PCDHA10: variants seen among roughly 807,000 people sequenced by gnomAD.
PCDHA10 encodes the protein protocadherin alpha 10.
PCDHA10 carries 45 observed loss-of-function variants against 61.2 expected under a neutral mutation model. The observed-to-expected ratio is 0.74, with a 90% CI of 0.58 to 0.94. The LOEUF is 0.94. Ranked by LOEUF, PCDHA10 falls within the 40% of genes least tolerant of loss-of-function variation. The pLI is 0.00. For missense variants in PCDHA10, 1,278 were observed against 1,236.2 expected (o/e 1.03, Z -0.51); for synonymous variants, 602 against 548.8 (o/e 1.10, Z -1.35).
intron 1 of PCDHA10, chr5:140,968,057 C>T (rs781959040): frequency 1.5e-5 from 24 of 1,613,992 alleles, no homozygotes; most frequent in East Asian, 6.7e-5. Context: ...GGACCGAGAG[C>T]GGGTGGCTGT....
At chr5:140,882,072 T>G in intron 1 of PCDHA10, 4 of 861,576 alleles carry the variant, frequency 4.6e-6, no homozygotes, top group Non-Finnish European at 7.0e-6. Flanking sequence ...TTCATGCGCA[T>G]GGTGTCGCTC....
chr5:140,926,976 GGA>G (rs1184794302), intron 1 of PCDHA10: 3 of 1,610,286 alleles, frequency 1.9e-6, no homozygotes, highest in Non-Finnish European at 2.5e-6. Context: ...CAGTGCCGGA[GGA>G]GACGGAGCGG....
At chr5:140,969,230 G>A (rs1554231609) in intron 1 of PCDHA10, 1 of 1,614,154 alleles carries the variant, frequency 6.2e-7, no homozygotes, top group South Asian at 1.1e-5. Flanking sequence ...GCCTTCGGGA[G>A]CCCAAGCAGC....
At position 141,011,517 on chromosome 5, in the gene PCDHA10, T is replaced by C. The variant is rs1397450262; in HGVS notation, c.*1580T>C. 2.6e-5 allele frequency: 4 copies of C among 153,768 alleles called. No individual in the cohort carries two copies. The highest frequency in any genetic ancestry group is 5.9e-5 in the Non-Finnish European group (4 of 68,028). The allele number at this position is 153,768 out of a possible 1,614,324, so 9.5% of individuals were successfully genotyped here. On this transcript the variant is annotated 3_prime_UTR_variant, in exon 4 of 4. Transcript: ENST00000307360. Reference sequence around the variant, plus strand: ...ACCTGTGAAAAAGTGGAGTAGTGTTTTTTTAACCATTGTTAATCAGCTTTT... The same window carrying C: ...ACCTGTGAAAAAGTGGAGTAGTGTTCTTTTAACCATTGTTAATCAGCTTTT...
intron 3 of PCDHA10, among the ~76,000 whole-genome samples, chr5:140,996,257 C>G (rs186736348): frequency 1.4e-4 from 22 of 152,342 alleles, no homozygotes; most frequent in African/African-American, 5.3e-4. Flanking sequence ...GACAGCAACA[C>G]AGAGCCTGGG....
intron 1 of PCDHA10, among the ~76,000 whole-genome samples, chr5:140,881,902 A>T (rs2058862295): frequency 6.6e-6 from 1 of 152,262 alleles, no homozygotes; most frequent in African/African-American, 2.4e-5. Flanking sequence ...GTCAGCTAAT[A>T]TAAAATGTTG....
chr5:141,001,387 C>T (rs1282982040), intron 3 of PCDHA10, among the ~76,000 whole-genome samples: 3 of 152,188 alleles, frequency 2.0e-5, no homozygotes, highest in African/African-American at 7.2e-5. Context: ...GCCTAAGATC[C>T]TACAGAGAAC....
chr5:140,924,105 C>T lies in PCDHA10; in HGVS notation c.2389-54844C>T, dbSNP rs140580566. ...AGGCAGAAAGAATAAATTTTCATTC[C>T]AAAGCAGTTAGCTTGCTTAGCAGCA... is the stretch of plus-strand genomic sequence containing the variant. On this transcript the variant is annotated intron_variant, in intron 1 of 3. Coordinates refer to ENST00000307360, the MANE Select transcript of PCDHA10 (RefSeq NM_018901.4). Among the ~76,000 whole-genome samples the T allele has an allele frequency of 8.5e-5, 13 of 152,262 alleles. No homozygotes were observed. The East Asian group carries it at 2.5e-3, about 29-fold the overall frequency.
intron 1 of PCDHA10, among the ~76,000 whole-genome samples, chr5:140,939,170 A>G (rs1554212590): frequency 2.0e-5 from 3 of 152,136 alleles, no homozygotes; most frequent in Admixed American, 1.3e-4. Context: ...GTGTCTGGTA[A>G]TGGCCCACTC....
At chr5:140,949,663 T>C (rs1038571728) in intron 1 of PCDHA10, among the ~76,000 whole-genome samples, 2 of 151,872 alleles carry the variant, frequency 1.3e-5, no homozygotes, top group Non-Finnish European at 3.0e-5. Flanking sequence ...TTTGTTTCTT[T>C]AAAGTATGCC....
chr5:141,010,321 G>A lies in PCDHA10; in HGVS notation c.*384G>A. The A allele has an allele frequency of 1.3e-6, 2 of 1,541,244 alleles. No individual in the cohort carries two copies. Among genetic ancestry groups the A allele is most frequent in the South Asian group, 1.2e-5 (1 of 82,726 alleles). On this transcript the variant is annotated 3_prime_UTR_variant, in exon 4 of 4. Transcript: ENST00000307360. ...GGCTGAAAAGTTTTGAGATTGAGCA[G>A]CTTGGGAGTTTGTGGCCACTGGGTA...
intron 1 of PCDHA10, among the ~76,000 whole-genome samples, chr5:140,972,181 AC>A: frequency 6.6e-6 from 1 of 152,234 alleles, no homozygotes; most frequent in Admixed American, 6.5e-5. Flanking sequence ...TTGGCCTGTC[AC>A]CCAGGCTGGA....
In PCDHA10 at chr5:141,006,360, C is replaced by T. The variant is rs898915080; in HGVS notation, c.2537-3267C>T. ...CTGAGTAGCTGGGACTATAGGCGCC[C>T]ACCACCACGCCCGGCTAAGTTTTTT... On this transcript the variant is annotated intron_variant, in intron 3 of 3. Coordinates refer to ENST00000307360, the MANE Select transcript of PCDHA10 (RefSeq NM_018901.4). Among the ~76,000 whole-genome samples, 9 of 151,982 alleles carry T rather than the reference C, an allele frequency of 5.9e-5. 1 individual carries two copies. The highest frequency in any genetic ancestry group is 1.2e-4 in the Non-Finnish European group (8 of 67,998).
At chr5:140,969,821 T>C (rs1358078633) in intron 1 of PCDHA10, among the ~76,000 whole-genome samples, 3 of 152,250 alleles carry the variant, frequency 2.0e-5, no homozygotes, top group Non-Finnish European at 4.4e-5. Flanking sequence ...TACTCTGGAC[T>C]GTCTACAGTG....
chr5:140,989,685 A>G (rs1393246206), intron 3 of PCDHA10, among the ~76,000 whole-genome samples: 2 of 152,186 alleles, frequency 1.3e-5, no homozygotes, highest in Non-Finnish European at 2.9e-5. Context: ...TTTCAAAGGA[A>G]CGTGAAAATT....
rs782250124 is a variant in PCDHA10, at chr5:140,870,603, C to G, written c.2388+12167C>G. 14 of 1,613,222 alleles carry G rather than the reference C, an allele frequency of 8.7e-6. No individual in the cohort carries two copies. In the Middle Eastern group the frequency reaches 5.0e-4, roughly 58 times the overall value. On this transcript the variant is annotated intron_variant, in intron 1 of 3. Coordinates refer to ENST00000307360, the MANE Select transcript of PCDHA10 (RefSeq NM_018901.4). ...CGCTGGTGGAGCGGCGGTTGGGCGA[C>G]CGCGCGCTGTCGAGCTACGTGTCGG...
chr5:140,957,541 A>C (rs2153713960), intron 1 of PCDHA10, among the ~76,000 whole-genome samples: 1 of 152,298 alleles, frequency 6.6e-6, no homozygotes, highest in South Asian at 2.1e-4. Flanking sequence ...GATCTTAGAA[A>C]GTATTCTCTG....
chr5:140,890,439 A>G (rs114755692), intron 1 of PCDHA10, among the ~76,000 whole-genome samples: 1 of 152,210 alleles, frequency 6.6e-6, no homozygotes, highest in Non-Finnish European at 1.5e-5. Context: ...TACAATACCT[A>G]GTGATATCTT....
chr5:140,945,801 C>T (rs1371269109), intron 1 of PCDHA10, among the ~76,000 whole-genome samples: 2 of 152,026 alleles, frequency 1.3e-5, no homozygotes, highest in East Asian at 3.9e-4. Context: ...GAAACTAGAC[C>T]CTTATCTCAC....
Sources: allele counts gnomAD v4.1 joint callset (sites outside exome capture counted in the v4.1 genomes callset), GRCh38; gene constraint gnomAD v4.1.1; transcripts MANE v1.5; gene names NCBI Gene and HGNC (gene_info 2026-07-23, HGNC 2026-07-21).